The following RNLS variants were observed in gnomAD, a reference collection of about 807,000 sequenced individuals.
RNLS encodes the protein renalase.
Under a neutral mutation model 39.8 loss-of-function variants are expected in RNLS, and 39 were observed. That is an observed-to-expected ratio of 0.98 (90% CI 0.76 to 1.28). The LOEUF is 1.28. Ranked by LOEUF, RNLS falls within the 50% of genes most tolerant of loss-of-function variation. RNLS has a pLI of 0.00. For synonymous variants in RNLS, 147 were observed against 150.7 expected (o/e 0.98, Z 0.18); for missense variants, 410 against 413.3 (o/e 0.99, Z 0.07).
At chr10:88,500,219 C>G (rs995952518) in intron 4 of RNLS, among the ~76,000 whole-genome samples, 1 of 151,916 alleles carries the variant, frequency 6.6e-6, no homozygotes, top group South Asian at 2.1e-4. Flanking sequence ...CTGGTGTAGT[C>G]TGAACAGAAG....
chr10:88,369,135 A>G (rs1334508577), intron 4 of RNLS, among the ~76,000 whole-genome samples: 1 of 152,178 alleles, frequency 6.6e-6, no homozygotes, highest in Admixed American at 6.5e-5. Context: ...ATTGTATATT[A>G]TAAAATTTTT....
At chr10:88,570,751 G>T (rs1849772136) in intron 4 of RNLS, among the ~76,000 whole-genome samples, 1 of 152,170 alleles carries the variant, frequency 6.6e-6, no homozygotes, top group Non-Finnish European at 1.5e-5. Context: ...ATTCTCACCA[G>T]ATTGTTGCCA....
chr10:88,239,167 G>A, the RNLS span, among the ~76,000 whole-genome samples: 4 of 152,240 alleles, frequency 2.6e-5, no homozygotes, highest in South Asian at 8.3e-4. Flanking sequence ...GATCTGCTCT[G>A]TATGAATCTG....
chr10:88,195,724 A>G, the RNLS span, among the ~76,000 whole-genome samples: 1 of 152,198 alleles, frequency 6.6e-6, no homozygotes, highest in South Asian at 2.1e-4. Context: ...CCTAAATAGA[A>G]TAGAAAAGAA....
Position 88,285,398 on chromosome 10 carries a change from T to C in RNLS, c.985A>G (p.Thr329Ala). The change falls in exon 7 of 7, where the codon ACT becomes GCT. Residue 329 changes from threonine to alanine, a missense_variant. Physicochemically the swap from Thr to Ala is moderately conservative, Grantham distance 58. Transcript: ENST00000331772. Reference protein sequence around the residue: ...FTQSNFDGCITSALCVLEALK... With the variant: ...FTQSNFDGCIASALCVLEALK... ...GCTTCCAGAACACATAGGGCAGAAG[T>C]GATGCAGCCATCAAAGTTGGACTGA... 1 of 1,612,736 alleles carries C rather than the reference T, an allele frequency of 6.2e-7. No homozygotes were observed. The highest frequency in any genetic ancestry group is 1.3e-5 in the African/African-American group (1 of 74,942).
At chr10:88,218,914 C>T in the RNLS span, among the ~76,000 whole-genome samples, 2 of 152,184 alleles carry the variant, frequency 1.3e-5, no homozygotes, top group African/African-American at 2.4e-5. Context: ...GCCTGGAATA[C>T]TTCTTTGCCT....
chr10:88,342,748 G>T (rs187914907), intron 5 of RNLS, among the ~76,000 whole-genome samples: 1 of 152,288 alleles, frequency 6.6e-6, no homozygotes, highest in African/African-American at 2.4e-5. Context: ...AGACAGTCTA[G>T]GTAGAGAACA....
chr10:88,296,298 T>A (rs1403444228), intron 6 of RNLS, among the ~76,000 whole-genome samples: 1 of 152,084 alleles, frequency 6.6e-6, no homozygotes, highest in Non-Finnish European at 1.5e-5. Flanking sequence ...AAGCTGAAAA[T>A]CACTTTTCCT....
At chr10:88,385,988 A>G (rs879938893) in intron 4 of RNLS, among the ~76,000 whole-genome samples, 2 of 152,148 alleles carry the variant, frequency 1.3e-5, no homozygotes, top group Non-Finnish European at 2.9e-5. Context: ...AGTCCGACAG[A>G]GATTGCTTTT....
At chr10:88,245,203 T>C in the RNLS span, among the ~76,000 whole-genome samples, 1 of 152,250 alleles carries the variant, frequency 6.6e-6, no homozygotes, top group African/African-American at 2.4e-5. Context: ...AAATAACAGT[T>C]GTTGCTTTTG....
chr10:88,564,981 T>C (rs958710462), intron 4 of RNLS, among the ~76,000 whole-genome samples: 19 of 152,160 alleles, frequency 1.2e-4, no homozygotes, highest in African/African-American at 4.6e-4. Context: ...AAAGGCTACA[T>C]ATGATTAGAA....
chr10:88,548,662 A>T (rs1453272230), intron 4 of RNLS, among the ~76,000 whole-genome samples: 1 of 147,334 alleles, frequency 6.8e-6, no homozygotes, highest in Non-Finnish European at 1.5e-5. Flanking sequence ...ATATATATAT[A>T]ATATTTAATA....
At chr10:88,505,530 A>G (rs948230742) in intron 4 of RNLS, among the ~76,000 whole-genome samples, 6 of 151,942 alleles carry the variant, frequency 3.9e-5, no homozygotes, top group African/African-American at 1.4e-4. Context: ...GAAGGATTCA[A>G]GGAAGAGAGA....
At chr10:88,574,904 T>C (rs1850071425) in intron 3 of RNLS, among the ~76,000 whole-genome samples, 1 of 151,962 alleles carries the variant, frequency 6.6e-6, no homozygotes, top group South Asian at 2.1e-4. Flanking sequence ...TGCCTCACCC[T>C]ACTTGCCTCA....
intron 4 of RNLS, among the ~76,000 whole-genome samples, chr10:88,435,194 A>T (rs957101180): frequency 3.3e-5 from 5 of 152,156 alleles, no homozygotes; most frequent in Non-Finnish European, 5.9e-5. Flanking sequence ...TGAAATACAG[A>T]GAAAGGGCCC....
chr10:88,235,141 G>T, the RNLS span, among the ~76,000 whole-genome samples: 3 of 151,746 alleles, frequency 2.0e-5, no homozygotes, highest in Admixed American at 1.3e-4. Context: ...GGTGGCGGGT[G>T]CCTGTAGTCC....
chr10:88,173,091 C>T, the RNLS span, among the ~76,000 whole-genome samples: 2 of 151,828 alleles, frequency 1.3e-5, no homozygotes, highest in Non-Finnish European at 2.9e-5. Flanking sequence ...ATCTCCTGAC[C>T]TTGTGATCAA....
rs561789288 is a variant in RNLS, at chr10:88,495,565, T to C, written c.526+77338A>G. ...AATCTCCATTTAAGTGAGTGGAACATACTGAAAAGAAATCAAAAAGGGCTA... is the reference window on the plus strand; with the variant it reads ...AATCTCCATTTAAGTGAGTGGAACACACTGAAAAGAAATCAAAAAGGGCTA... On this transcript the variant is annotated intron_variant, in intron 4 of 6. Coordinates refer to ENST00000331772, the MANE Select transcript of RNLS (RefSeq NM_001031709.3). 2.6e-5 allele frequency among the ~76,000 whole-genome samples: 4 copies of C among 152,160 alleles called. No homozygotes were observed. The South Asian group carries it at 6.2e-4, about 24-fold the overall frequency.
intron 4 of RNLS, among the ~76,000 whole-genome samples, chr10:88,390,075 C>A (rs1159580371): frequency 6.6e-6 from 1 of 152,180 alleles, no homozygotes; most frequent in Non-Finnish European, 1.5e-5. Context: ...AGTGGATATT[C>A]ATTTGATAGG....
Sources: gnomAD v4.1 joint callset for allele counts (sites outside exome capture counted in the v4.1 genomes callset) on GRCh38, gnomAD v4.1.1 for gene constraint, MANE v1.5 for transcripts, NCBI Gene and HGNC (gene_info 2026-07-23, HGNC 2026-07-21) for gene names.